Variants in DAPL1 observed in about 807,000 individuals in gnomAD.
DAPL1 encodes death associated protein like 1, also known as death-associated protein-like 1.
A neutral mutation model predicts 12.9 loss-of-function variants in DAPL1; 17 were observed. The ratio of observed to expected loss-of-function variants is 1.32; its 90% CI spans 0.90 to 1.98. The LOEUF is 1.98. DAPL1 is among the 30% of genes most tolerant of loss of function. The pLI is 0.00. For synonymous variants in DAPL1, 51 were observed against 42.0 expected, an observed-to-expected ratio of 1.21 and a Z score of -0.82; for missense variants, 157 against 125.7, an observed-to-expected ratio of 1.25 and a Z score of -1.19.
chr2:158,804,446 A>C, intron 2 of DAPL1, 77 bp downstream of exon 2: 3 of 1,061,822 alleles, frequency 2.8e-6, no homozygotes, highest in Non-Finnish European at 4.1e-6. Context: ...TTTAGGACAA[A>C]CCAAGGCTCC....
chr2:158,809,456 G>C (rs1312937121), intron 3 of DAPL1, among the ~76,000 whole-genome samples: 1 of 151,856 alleles, frequency 6.6e-6, no homozygotes, highest in Admixed American at 6.6e-5. Flanking sequence ...CTGTGGCTAA[G>C]ATTGCACGGG....
intron 3 of DAPL1, among the ~76,000 whole-genome samples, chr2:158,814,594 A>G (rs1365076971): frequency 6.6e-6 from 1 of 152,250 alleles, no homozygotes; most frequent in Non-Finnish European, 1.5e-5. Flanking sequence ...TTTTGGAGTC[A>G]CATTTCGTAT....
At chr2:158,801,041 C>G (rs923945161) in intron 1 of DAPL1, among the ~76,000 whole-genome samples, 12 of 152,146 alleles carry the variant, frequency 7.9e-5, no homozygotes, top group African/African-American at 2.9e-4. Context: ...TGGGATTTCG[C>G]CCTGTTGGTC....
chr2:158,804,497 G>A, intron 2 of DAPL1, 128 bp downstream of exon 2: 1 of 637,674 alleles, frequency 1.6e-6, no homozygotes, highest in South Asian at 2.3e-5. Context: ...GCAGGAGGGG[G>A]AGGGCGTGAT....
intron 3 of DAPL1, among the ~76,000 whole-genome samples, chr2:158,809,570 T>C (rs1421695934): frequency 6.6e-6 from 1 of 152,038 alleles, no homozygotes; most frequent in African/African-American, 2.4e-5. Flanking sequence ...GTTTCTTCAC[T>C]TTTTTGTGCT....
chr2:158,814,791 G>A (rs960724921), intron 3 of DAPL1, among the ~76,000 whole-genome samples: 2 of 152,204 alleles, frequency 1.3e-5, no homozygotes, highest in Non-Finnish European at 2.9e-5. Flanking sequence ...AAGTTCAATA[G>A]TGATAAGTTA....
intron 1 of DAPL1, among the ~76,000 whole-genome samples, chr2:158,801,732 A>G (rs2059169076): frequency 6.6e-6 from 1 of 152,170 alleles, no homozygotes; most frequent in South Asian, 2.1e-4. Context: ...TAGTAAAACA[A>G]CAGATCTTAG....
intron 3 of DAPL1, 80 bp from the exon 4 acceptor site, chr2:158,815,625 G>A (rs1193214407): frequency 2.3e-6 from 2 of 859,548 alleles, no homozygotes; most frequent in South Asian, 1.4e-5. Context: ...CTTGATCAAC[G>A]ATATCACTTT....
rs1395175237 is a variant in DAPL1, at chr2:158,815,939, G to A, written c.*118G>A. ...TTGCTTGGTAAATTAAGCAGCTTTT[G>A]TATCTTCCCCTTTGACTTTAGGTAA... On this transcript the variant is annotated 3_prime_UTR_variant, in exon 4 of 4. Transcript: ENST00000309950. 4 of 712,088 alleles carry A rather than the reference G, an allele frequency of 5.6e-6. No homozygotes were observed. Among genetic ancestry groups the A allele is most frequent in the African/African-American group, 3.5e-5 (2 of 56,520 alleles). 44.1% of individuals were successfully genotyped at this position (712,088 alleles called of 1,614,324 possible). A position where few individuals can be genotyped will look rare whatever the true frequency, so the allele number is the denominator to read the frequency against.
At position 158,795,966 on chromosome 2, in the gene DAPL1, A is replaced by G. The variant is rs148434327; in HGVS notation, c.58+536A>G. Among the ~76,000 whole-genome samples, 1,283 of 152,322 alleles carry G rather than the reference A, an allele frequency of 8.4e-3. 24 individuals are homozygous for G. The highest frequency in any genetic ancestry group is 0.028 in the African/African-American group (1,164 of 41,578). On this transcript the variant is annotated intron_variant, in intron 1 of 3. Coordinates refer to ENST00000309950, the MANE Select transcript of DAPL1 (RefSeq NM_001017920.3). ...GATGTATTTACCTGTCAACAAGCTG[A>G]GAAGTACTTTTAAATAAAGACACAG...
chr2:158,813,426 T>G (rs1383443755), intron 3 of DAPL1, among the ~76,000 whole-genome samples: 1 of 152,210 alleles, frequency 6.6e-6, no homozygotes, highest in Non-Finnish European at 1.5e-5. Flanking sequence ...CACAATTTTT[T>G]TATATGCCCA....
intron 3 of DAPL1, among the ~76,000 whole-genome samples, chr2:158,809,287 G>A (rs1001734894): frequency 2.1e-5 from 3 of 142,196 alleles, no homozygotes; most frequent in Non-Finnish European, 4.6e-5. Flanking sequence ...GAACCCGGGA[G>A]GTGGAGGTTG....
At chr2:158,801,431 A>G (rs1018708213) in intron 1 of DAPL1, among the ~76,000 whole-genome samples, 2 of 152,220 alleles carry the variant, frequency 1.3e-5, no homozygotes, top group Non-Finnish European at 2.9e-5. Context: ...CACACGCCTC[A>G]AACATTCTTT....
At chr2:158,811,961 A>C (rs1575230559) in intron 3 of DAPL1, among the ~76,000 whole-genome samples, 2 of 152,348 alleles carry the variant, frequency 1.3e-5, no homozygotes, top group South Asian at 4.1e-4. Context: ...ACAAAGAATT[A>C]GTACATTTAG....
chr2:158,814,008 TTTTG>T (rs905763294), intron 3 of DAPL1, among the ~76,000 whole-genome samples: 1 of 152,246 alleles, frequency 6.6e-6, no homozygotes, highest in Non-Finnish European at 1.5e-5. Flanking sequence ...ATCAGAGTTT[TTTTG>T]TTTGTTTGCC....
At chr2:158,813,238 G>C (rs373568835) in intron 3 of DAPL1, among the ~76,000 whole-genome samples, 1 of 152,166 alleles carries the variant, frequency 6.6e-6, no homozygotes, top group East Asian at 1.9e-4. Context: ...GAGGAGGAGG[G>C]AATGGAGAAT....
intron 1 of DAPL1, among the ~76,000 whole-genome samples, chr2:158,798,737 A>T (rs933671347): frequency 6.6e-6 from 1 of 152,034 alleles, no homozygotes; most frequent in African/African-American, 2.4e-5. Flanking sequence ...CCTTCTCTTG[A>T]TGAGGGTTTT....
At chr2:158,811,098 C>T (rs886828378) in intron 3 of DAPL1, among the ~76,000 whole-genome samples, 70 of 152,086 alleles carry the variant, frequency 4.6e-4, no homozygotes, top group African/African-American at 1.6e-3. Context: ...AATGGGGTTG[C>T]GTTATGGTGT....
chr2:158,811,203 G>A (rs2105156026), intron 3 of DAPL1, among the ~76,000 whole-genome samples: 1 of 152,322 alleles, frequency 6.6e-6, no homozygotes, highest in East Asian at 1.9e-4. Context: ...TGAGATGTAT[G>A]TGAAATGGGA....
Sources: gnomAD v4.1 joint callset for allele counts (sites outside exome capture counted in the v4.1 genomes callset) on GRCh38, gnomAD v4.1.1 for gene constraint, MANE v1.5 for transcripts, NCBI Gene and HGNC (gene_info 2026-07-23, HGNC 2026-07-21) for gene names.